The following FREM1 variants were observed in gnomAD, a reference collection of about 807,000 sequenced individuals.
FREM1 encodes the protein FRAS1-related extracellular matrix protein 1.
In FREM1, 220 loss-of-function variants were observed where a neutral mutation model predicts 210.1. The observed-to-expected ratio is 1.05, with a 90% CI of 0.94 to 1.17. FREM1 has a LOEUF of 1.17. FREM1 is among the 50% of genes most tolerant of loss of function. The probability of loss-of-function intolerance (pLI) is 0.00; values close to 1 mark genes in which losing one functional copy is unlikely to be tolerated. For missense variants in FREM1, 3,454 were observed against 2,675.5 expected (o/e 1.29, Z -6.42); for synonymous variants, 1,189 against 980.2 (o/e 1.21, Z -3.98).
At chr9:14,793,906 C>T (rs553760329) in intron 21 of FREM1, among the ~76,000 whole-genome samples, 1 of 152,176 alleles carries the variant, frequency 6.6e-6, no homozygotes, top group Non-Finnish European at 1.5e-5. Context: ...ATTTGCACAC[C>T]TCTTTACTAG....
chr9:14,738,152 C>T (rs538703305), intron 36 of FREM1, among the ~76,000 whole-genome samples: 9 of 152,270 alleles, frequency 5.9e-5, no homozygotes, highest in Middle Eastern at 3.4e-3. Context: ...CAGATTTTCT[C>T]GACTTGCCTC....
intron 25 of FREM1, 41 bp from the exon 26 acceptor site, chr9:14,770,847 C>A: frequency 6.8e-7 from 1 of 1,469,948 alleles, no homozygotes; most frequent in Non-Finnish European, 9.4e-7. Flanking sequence ...TCCAAAGGCC[C>A]CTCACCCCCA....
intron 11 of FREM1, among the ~76,000 whole-genome samples, chr9:14,824,396 G>A (rs1158927067): frequency 1.3e-5 from 2 of 152,140 alleles, no homozygotes; most frequent in African/African-American, 2.4e-5. Flanking sequence ...TCATGCATAC[G>A]ATACTAGCAT....
At chr9:14,871,578 C>G (rs963608967) in intron 1 of FREM1, among the ~76,000 whole-genome samples, 2 of 152,006 alleles carry the variant, frequency 1.3e-5, no homozygotes, top group Admixed American at 1.3e-4. Context: ...GAGTAGGTTG[C>G]GAAAATTTTC....
chr9:14,747,372 C>A lies in FREM1; in HGVS notation c.5901G>T (p.Arg1967Ser), dbSNP rs1385213561. The change falls in exon 33 of 37, where the codon AGG becomes AGT. Residue 1967 changes from arginine to serine, a missense_variant. Coordinates refer to ENST00000380880, the MANE Select transcript of FREM1 (RefSeq NM_001379081.2). ...LEDDSFPTHK[R>S]KAKVSIISQP... ...GACTAATGATGGATACTTTGGCCTT[C>A]CTTTTGTGAGTTGGGAAACTGTCAT... is the stretch of plus-strand genomic sequence containing the variant. The A allele has an allele frequency of 1.9e-6, 3 of 1,613,714 alleles. No homozygotes were observed. The East Asian group carries it at 6.7e-5, about 36-fold the overall frequency.
intron 5 of FREM1, among the ~76,000 whole-genome samples, chr9:14,854,708 T>C: frequency 6.6e-6 from 1 of 152,044 alleles, no homozygotes; most frequent in Non-Finnish European, 1.5e-5. Context: ...AATAATTGAA[T>C]TCAGGAAAGA....
rs140037680 is a variant in FREM1 at position 14,891,593 on chromosome 9, G to A, written c.-268+18321C>T. ...CAAAACAAAACAGCAAGGGTGGTAAGTGCAGTAATGGTGAGATATATTTTA... is the reference window on the plus strand; with the variant it reads ...CAAAACAAAACAGCAAGGGTGGTAAATGCAGTAATGGTGAGATATATTTTA... On this transcript the variant is annotated intron_variant, in intron 1 of 36. Coordinates refer to ENST00000380880, the MANE Select transcript of FREM1 (RefSeq NM_001379081.2). 9.2e-4 allele frequency among the ~76,000 whole-genome samples: 140 copies of A among 152,320 alleles called. 1 individual carries two copies. Among genetic ancestry groups the A allele is most frequent in the Admixed American group, 2.3e-3 (35 of 15,302 alleles).
At chr9:14,784,109 G>A (rs1850038997) in intron 24 of FREM1, among the ~76,000 whole-genome samples, 2 of 152,006 alleles carry the variant, frequency 1.3e-5, no homozygotes, top group African/African-American at 2.4e-5. Context: ...CATTTTAATC[G>A]TGTGGCTTCA....
intron 1 of FREM1, among the ~76,000 whole-genome samples, chr9:14,892,325 T>A (rs1449761416): frequency 1.3e-5 from 2 of 151,844 alleles, no homozygotes; most frequent in Non-Finnish European, 1.5e-5. Context: ...TGACTTTGGG[T>A]AGGTGGGGTG....
intron 35 of FREM1, among the ~76,000 whole-genome samples, chr9:14,743,524 C>A (rs1016699291): frequency 1.3e-5 from 2 of 152,036 alleles, no homozygotes; most frequent in African/African-American, 4.8e-5. Flanking sequence ...ACACCACCAT[C>A]CATGACTGAA....
chr9:14,861,244 CAT>C lies in FREM1; in HGVS notation c.330-1762_330-1761del, dbSNP rs1564107507. On this transcript the variant is annotated intron_variant, in intron 3 of 36. Coordinates refer to ENST00000380880, the MANE Select transcript of FREM1 (RefSeq NM_001379081.2). ...ACACATATATACACATATATACACA[CAT>C]ATATACATATATACACATATACACA... Among the ~76,000 whole-genome samples the C allele has an allele frequency of 1.2e-4, 6 of 50,094 alleles. 1 individual carries two copies. The highest frequency in any genetic ancestry group is 4.4e-4 in the Admixed American group (2 of 4,544). 32.9% of individuals were successfully genotyped at this position (50,094 alleles called of 152,430 possible).
chr9:14,788,860 G>T, intron 23 of FREM1, 59 bp downstream of exon 23: 2 of 1,295,760 alleles, frequency 1.5e-6, no homozygotes, highest in South Asian at 1.5e-5. Flanking sequence ...AACGAATGTG[G>T]AATACTTATA....
chr9:14,902,205 A>G (rs1838909674), intron 1 of FREM1, among the ~76,000 whole-genome samples: 1 of 152,186 alleles, frequency 6.6e-6, no homozygotes, highest in Admixed American at 6.5e-5. Context: ...TAGCTCTTAA[A>G]GTCTTAATGC....
At chr9:14,752,822 G>A (rs1843626051) in intron 29 of FREM1, among the ~76,000 whole-genome samples, 1 of 152,016 alleles carries the variant, frequency 6.6e-6, no homozygotes, top group African/African-American at 2.4e-5. Flanking sequence ...TGATTTTAAG[G>A]TTAATTTTTT....
Position 14,784,431 on chromosome 9 carries a change from C to G in FREM1, c.4381G>C (p.Val1461Leu). ...PITNFSQMDV[V>L]GQTVCYVHKS... Reference sequence around the variant, plus strand: ...TGTACATAGCAAACTGTCTGCCCCACTACATCCATTTGGCTGAAGTTTGTA... The same window carrying G: ...TGTACATAGCAAACTGTCTGCCCCAGTACATCCATTTGGCTGAAGTTTGTA... The change falls in exon 24 of 37, where the codon GTG (valine) becomes CTG (leucine). Residue 1461 changes from valine (V) to leucine (L), a missense_variant. Transcript: ENST00000380880. 6.2e-7 allele frequency: 1 copy of G among 1,613,906 alleles called. No individual in the cohort carries two copies. The highest frequency in any genetic ancestry group is 1.6e-4 in the Middle Eastern group (1 of 6,062).
chr9:14,759,742 G>A, intron 28 of FREM1, 30 bp downstream of exon 28: 1 of 1,534,534 alleles, frequency 6.5e-7, no homozygotes, highest in South Asian at 1.3e-5. Flanking sequence ...ATAAGTTTTA[G>A]CTTGATAATT....
At position 14,775,956 on chromosome 9, in the gene FREM1, GA is replaced by G; in HGVS notation, c.4689del (p.Gln1564AsnfsTer42). ...GQLYLWGTGL[L>X]QHNFTQQDVD... ...ACATCCTGCTGGGTGAAATTGTGTT[GA>G]AGTAGCCCTGTCCCCCACAGGTAGA... On this transcript the variant is annotated frameshift_variant, in exon 25 of 37. Coordinates refer to ENST00000380880, the MANE Select transcript of FREM1 (RefSeq NM_001379081.2). LOFTEE classifies it high-confidence loss of function. 6.2e-7 allele frequency: 1 copy of G among 1,614,004 alleles called. No homozygotes were observed. Among genetic ancestry groups the G allele is most frequent in the Non-Finnish European group, 8.5e-7 (1 of 1,179,892 alleles).
chr9:14,816,908 C>T (rs552887022), intron 14 of FREM1, 37 bp from the exon 15 acceptor site: 33 of 820,800 alleles, frequency 4.0e-5, no homozygotes, highest in Middle Eastern at 4.7e-4. Context: ...CTCTTAGGAA[C>T]AGTGTGAGAG....
chr9:14,841,937 C>T (rs1825763579), intron 9 of FREM1, among the ~76,000 whole-genome samples: 1 of 152,124 alleles, frequency 6.6e-6, no homozygotes, highest in African/African-American at 2.4e-5. Context: ...GAAGTAGTTA[C>T]AAAATGATTC....
Sources: gnomAD v4.1 joint callset for allele counts (sites outside exome capture counted in the v4.1 genomes callset) on GRCh38, gnomAD v4.1.1 for gene constraint, MANE v1.5 for transcripts, NCBI Gene and HGNC (gene_info 2026-07-23, HGNC 2026-07-21) for gene names.